Variants in SF3B2 observed in about 807,000 individuals in gnomAD.
SF3B2 encodes splicing factor 3b subunit 2, also known as SAP 145.
SF3B2 carries 22 observed loss-of-function variants against 116.3 expected under a neutral mutation model. The observed-to-expected ratio is 0.19, with a 90% CI of 0.14 to 0.27. SF3B2 has a LOEUF of 0.27. Ranked by LOEUF, SF3B2 falls within the 10% of genes least tolerant of loss-of-function variation. The pLI is 1.00. For synonymous variants in SF3B2, 406 were observed against 421.6 expected, an observed-to-expected ratio of 0.96 and a Z score of 0.45; for missense variants, 767 against 1,151.4, an observed-to-expected ratio of 0.67 and a Z score of 4.83.
chr11:66,056,872 A>G lies in SF3B2; in HGVS notation c.584A>G (p.Glu195Gly), dbSNP rs1857005631. Reference protein sequence around the residue: ...AVLLEQERQQEIAKMGTPVPR... With the variant: ...AVLLEQERQQGIAKMGTPVPR... ...TTACTGGAGCAGGAACGACAGCAGG[A>G]GATTGCCAAGATGGGCACCCCAGTC... The change falls in exon 6 of 22, where the codon GAG (glutamate) becomes GGG (glycine). Residue 195 changes from glutamate (E) to glycine (G), a missense_variant. Physicochemically the swap from Glu to Gly is moderately conservative, Grantham distance 98 (BLOSUM62 -2). Around this residue, in one of 4 missense-constraint regions of SF3B2, gnomAD observed 455 missense variants for 537.5 expected, o/e 0.85. Coordinates refer to ENST00000322535, the MANE Select transcript of SF3B2 (RefSeq NM_006842.3). 1.2e-6 allele frequency: 2 copies of G among 1,614,006 alleles called. No homozygotes were observed. The highest frequency in any genetic ancestry group is 1.7e-6 in the Non-Finnish European group (2 of 1,180,014).
rs777747236 is a variant in SF3B2 at position 66,056,879 on chromosome 11, C to T, written c.591C>T (p.Ala197=). 9.3e-6 allele frequency: 15 copies of T among 1,613,980 alleles called. No homozygotes were observed. Among genetic ancestry groups the T allele is most frequent in the Admixed American group, 8.3e-5 (5 of 59,974 alleles). ...LLEQERQQEI[A]KMGTPVPRPP... ...AGCAGGAACGACAGCAGGAGATTGC[C>T]AAGATGGGCACCCCAGTCCCTCGGC... The change falls in exon 6 of 22, where the codon GCC becomes GCT. Residue 197 remains alanine (A), a synonymous_variant. Transcript: ENST00000322535.
intron 13 of SF3B2, among the ~76,000 whole-genome samples, chr11:66,060,340 A>G (rs2135048446): frequency 6.6e-6 from 1 of 152,364 alleles, no homozygotes; most frequent in African/African-American, 2.4e-5. Flanking sequence ...GTTGAGATTC[A>G]TCTCTTGATG....
intron 19 of SF3B2, chr11:66,065,907 C>T (rs1406188058): frequency 6.6e-6 from 1 of 152,124 alleles, no homozygotes; most frequent in African/African-American, 2.4e-5. Flanking sequence ...GAGTCTTGCC[C>T]TGTTGCCTAG....
rs1217019352 is a variant in SF3B2 at position 66,068,195 on chromosome 11, G to A, written c.2478G>A (p.Val826=). 1 of 1,614,258 alleles carries A rather than the reference G, an allele frequency of 6.2e-7. No homozygotes were observed. Among genetic ancestry groups the A allele is most frequent in the Admixed American group, 1.7e-5 (1 of 60,036 alleles). ...GPAPELQGVE[V]ALAPEELELD... ...CTCCTGAGCTGCAAGGTGTGGAAGTGGCGCTGGCGCCTGAAGAGTTGGAGC... is the reference window on the plus strand; with the variant it reads ...CTCCTGAGCTGCAAGGTGTGGAAGTAGCGCTGGCGCCTGAAGAGTTGGAGC... Residue 826 remains valine, a synonymous_variant, in exon 21 of 22, where the codon GTG becomes GTA. Coordinates refer to ENST00000322535, the MANE Select transcript of SF3B2 (RefSeq NM_006842.3).
In SF3B2 at chr11:66,057,298, C is replaced by T. The variant is rs752749258; in HGVS notation, c.700C>T (p.Pro234Ser). 1 of 1,610,064 alleles carries T rather than the reference C, an allele frequency of 6.2e-7. No homozygotes were observed. The highest frequency in any genetic ancestry group is 8.5e-7 in the Non-Finnish European group (1 of 1,176,366). Residue 234 changes from proline (P) to serine (S), a missense_variant, in exon 7 of 22, where the codon CCT becomes TCT. Coordinates refer to ENST00000322535, the MANE Select transcript of SF3B2 (RefSeq NM_006842.3). The stretch of plus-strand genomic sequence containing the variant: ...TCCAGTGGGCCCAGTGGGCCCCACT[C>T]CTACAGTTTTGCCCATGGGAGCCCC... ...AAPVGPVGPT[P>S]TVLPMGAPVP...
In SF3B2 at chr11:66,057,010, A is replaced by G. The variant is rs550851256; in HGVS notation, c.667+55A>G. On this transcript the variant is annotated intron_variant, in intron 6 of 21. Transcript: ENST00000322535. Reference sequence around the variant, plus strand: ...AGGAAGGTGATTTAGACATTTTTAAAAAGACTTTTAAGGTATCTATCACAT... The same window carrying G: ...AGGAAGGTGATTTAGACATTTTTAAGAAGACTTTTAAGGTATCTATCACAT... 1.9e-5 allele frequency: 25 copies of G among 1,323,790 alleles called. 1 individual carries two copies. In the South Asian group the frequency reaches 2.8e-4, roughly 15 times the overall value. 82.0% of individuals were successfully genotyped at this position (1,323,790 alleles called of 1,614,324 possible).
intron 5 of SF3B2, chr11:66,055,837 C>T: frequency 2.0e-6 from 1 of 493,932 alleles, no homozygotes; most frequent in Non-Finnish European, 3.5e-6. Flanking sequence ...AAACCCAAAC[C>T]AAAAATATGT....
intron 3 of SF3B2, among the ~76,000 whole-genome samples, chr11:66,054,449 C>T (rs1474491357): frequency 6.6e-6 from 1 of 150,750 alleles, no homozygotes; most frequent in Non-Finnish European, 1.5e-5. Context: ...TGCACTCCAG[C>T]CTGGGTGACA....
In SF3B2 at chr11:66,057,313, A is replaced by G. The variant is rs374892362; in HGVS notation, c.715A>G (p.Met239Val). The G allele has an allele frequency of 1.2e-6, 2 of 1,610,250 alleles. No individual in the cohort carries two copies. The highest frequency in any genetic ancestry group is 1.7e-5 in the Admixed American group (1 of 60,008). Reference protein sequence around the residue: ...PVGPTPTVLPMGAPVPRPRGP... With the variant: ...PVGPTPTVLPVGAPVPRPRGP... Reference sequence around the variant, plus strand: ...GGGCCCCACTCCTACAGTTTTGCCCATGGGAGCCCCTGTTCCCCGGCCTCG... The same window carrying G: ...GGGCCCCACTCCTACAGTTTTGCCCGTGGGAGCCCCTGTTCCCCGGCCTCG... Residue 239 changes from methionine to valine, a missense_variant, in exon 7 of 22, where the codon ATG becomes GTG. Physicochemically the swap from Met to Val is conservative, Grantham distance 21 (BLOSUM62 1). Around this residue, in one of 4 missense-constraint regions of SF3B2, gnomAD observed 455 missense variants for 537.5 expected, o/e 0.85. Coordinates refer to ENST00000322535, the MANE Select transcript of SF3B2 (RefSeq NM_006842.3).
chr11:66,060,768 TG>T (rs1857089412), intron 14 of SF3B2, 37 bp downstream of exon 14: 1 of 1,607,398 alleles, frequency 6.2e-7, no homozygotes, highest in African/African-American at 1.3e-5. Flanking sequence ...GGCTGGGCCT[TG>T]GGGTTGAGAC....
At position 66,059,500 on chromosome 11, in the gene SF3B2, ATTGT is replaced by A. The variant is rs765928234; in HGVS notation, c.1321-13_1321-10del. The A allele has an allele frequency of 1.7e-5, 27 of 1,613,768 alleles. No individual in the cohort carries two copies. In the East Asian group the frequency reaches 5.3e-4, roughly 32 times the overall value. On this transcript the variant is annotated splice_polypyrimidine_tract_variant and intron_variant, in intron 11 of 21. Transcript: ENST00000322535. The surrounding 1 kb of genome is among the most constrained non-coding windows in gnomAD (Gnocchi z 5.0). ...ATCTGAGTCCTGCTTAAAAGGGCTG[ATTGT>A]TCTGTTCTAGGAAAAGAAGCCAGAA...
At position 66,053,062 on chromosome 11, in the gene SF3B2, G is replaced by T; in HGVS notation, c.216G>T (p.Gly72=). ...TGCTGAATCGGCCGGTTTTGAGAGG[G>T]GAAGATGGGGACAAAGCCGCTCCAC... The part of the protein sequence containing the change: ...GIVLNRPVLR[G]EDGDKAAPPP... Residue 72 remains glycine (G), a synonymous_variant, in exon 3 of 22, where the codon GGG becomes GGT. Coordinates refer to ENST00000322535, the MANE Select transcript of SF3B2 (RefSeq NM_006842.3). 1 of 1,614,114 alleles carries T rather than the reference G, an allele frequency of 6.2e-7. No individual in the cohort carries two copies. The highest frequency in any genetic ancestry group is 8.5e-7 in the Non-Finnish European group (1 of 1,180,014).
chr11:66,057,952 A>G, intron 7 of SF3B2, 102 bp from the exon 8 acceptor site: 3 of 903,544 alleles, frequency 3.3e-6, no homozygotes, highest in Non-Finnish European at 5.0e-6. Flanking sequence ...AGCCTGGGCA[A>G]CAAGAGCAAA....
chr11:66,065,004 CTA>C (rs2135055913), intron 19 of SF3B2: 1 of 151,900 alleles, frequency 6.6e-6, no homozygotes, highest in Admixed American at 6.6e-5. Flanking sequence ...TGGAATCTTG[CTA>C]TGTCGCCCAG....
chr11:66,057,085 C>G, intron 6 of SF3B2, 130 bp downstream of exon 6: 1 of 825,354 alleles, frequency 1.2e-6, no homozygotes. Context: ...TTTTTACACA[C>G]TGAACACACC....
chr11:66,054,192 AAG>A (rs1856949731), intron 3 of SF3B2, among the ~76,000 whole-genome samples: 1 of 151,070 alleles, frequency 6.6e-6, no homozygotes, highest in African/African-American at 2.4e-5. Context: ...AAAAAAAAAA[AAG>A]AGGCAGGGCA....
At position 66,068,765 on chromosome 11, in the gene SF3B2, T is replaced by G; in HGVS notation, c.*20T>G. ...TTTTAGGTCCCCTCACACTAGCCCT[T>G]TTTTTGGCCCTACGTCTGGATGCCT... On this transcript the variant is annotated 3_prime_UTR_variant, in exon 22 of 22. Coordinates refer to ENST00000322535, the MANE Select transcript of SF3B2 (RefSeq NM_006842.3). 1 of 1,608,326 alleles carries G rather than the reference T, an allele frequency of 6.2e-7. No homozygotes were observed. Among genetic ancestry groups the G allele is most frequent in the Non-Finnish European group, 8.5e-7 (1 of 1,175,240 alleles).
Position 66,059,612 on chromosome 11 carries a change from T to A in SF3B2, c.1401+17T>A, listed in dbSNP as rs751559378. ...CTCAAGCAGGTAAGACCTGAGAGGA[T>A]CCTGCAGGCCCTGGAGCCCAGCTGG... On this transcript the variant is annotated intron_variant, in intron 12 of 21. Coordinates refer to ENST00000322535, the MANE Select transcript of SF3B2 (RefSeq NM_006842.3). The surrounding 1 kb of genome is among the most constrained non-coding windows in gnomAD (Gnocchi z 5.0). The A allele has an allele frequency of 1.2e-6, 2 of 1,613,236 alleles. No homozygotes were observed. Among genetic ancestry groups the A allele is most frequent in the Non-Finnish European group, 8.5e-7 (1 of 1,179,386 alleles).
At chr11:66,054,922 C>T (rs541696338) in intron 3 of SF3B2, among the ~76,000 whole-genome samples, 154 bp from the exon 4 acceptor site, 233 of 152,286 alleles carry the variant, frequency 1.5e-3, no homozygotes, top group African/African-American at 5.4e-3. Context: ...ATTCTCATAT[C>T]TTTATAGAGC....
Sources: allele counts gnomAD v4.1 joint callset (sites outside exome capture counted in the v4.1 genomes callset), GRCh38; gene constraint gnomAD v4.1.1; regional missense constraint gnomAD v4.1.1; non-coding constraint Gnocchi (gnomAD v3.1); transcripts MANE v1.5; gene names NCBI Gene and HGNC (gene_info 2026-07-23, HGNC 2026-07-21).